The following DMD variants were observed in gnomAD, a reference collection of about 807,000 sequenced individuals.
DMD encodes the protein dystrophin, also known as mutant dystrophin.
DMD carries 63 observed loss-of-function variants against 330.1 expected under a neutral mutation model. The observed-to-expected ratio is 0.19, with a 90% CI of 0.16 to 0.24. DMD has a LOEUF of 0.24. Among genes scored for constraint, DMD ranks in the 10% least tolerant of loss-of-function variants. The pLI is 1.00. For missense variants in DMD, 3,344 were observed against 2,684.1 expected (o/e 1.25, Z -5.43); for synonymous variants, 1,223 against 959.8 (o/e 1.27, Z -5.07).
intron 17 of DMD, among the ~76,000 whole-genome samples, chrX:32,543,198 A>C (rs1016813789): frequency 8.9e-6 from 1 of 111,914 alleles, no homozygotes; most frequent in African/African-American, 3.2e-5. Context: ...ATCTTTCTGT[A>C]TGTGCCCAAT....
rs190313096 is a variant in DMD, at chrX:32,698,427, A to G, written c.832-429T>C. Among the ~76,000 whole-genome samples, 240 of 111,826 alleles carry G rather than the reference A, an allele frequency of 2.1e-3. 2 individuals carry two copies. The highest frequency in any genetic ancestry group is 7.6e-3 in the African/African-American group (233 of 30,821). ...CAGAGCTAGCTCAGCAAAGTGAGAG[A>G]GTTTGGCCTAAGAGCTCTCCACACA... On this transcript the variant is annotated intron_variant, in intron 8 of 78. Transcript: ENST00000357033.
rs764830780 is a variant in DMD at position 31,547,696 on chromosome X, T to C, written c.8218-40243A>G. On this transcript the variant is annotated intron_variant, in intron 55 of 78. Transcript: ENST00000357033. ...CATGCTGTGGAAGGATCAGAGAATT[T>C]TTGGAATTGTGCACTAAATGTCTTT... 8.9e-5 allele frequency among the ~76,000 whole-genome samples: 10 copies of C among 112,150 alleles called. No individual in the cohort carries two copies. In the South Asian group the frequency reaches 3.7e-3, roughly 42 times the overall value.
intron 7 of DMD, among the ~76,000 whole-genome samples, chrX:32,700,135 T>A (rs1206503646): frequency 8.9e-6 from 1 of 111,864 alleles, no homozygotes; most frequent in Non-Finnish European, 1.9e-5. Context: ...TGAACCAAGA[T>A]GTAAAGTAAT....
intron 18 of DMD, among the ~76,000 whole-genome samples, chrX:32,504,161 C>G (rs182543785): frequency 8.9e-6 from 1 of 111,952 alleles, no homozygotes; most frequent in African/African-American, 3.2e-5. Flanking sequence ...AACCTTACAC[C>G]CTTCTTTTGT....
chrX:32,865,005 TG>T (rs1023033779), intron 2 of DMD, among the ~76,000 whole-genome samples: 8 of 111,733 alleles, frequency 7.2e-5, no homozygotes, highest in African/African-American at 2.0e-4. Flanking sequence ...TCGGTGTAGT[TG>T]TAAGTTAAAT....
At chrX:31,153,437 G>A (rs930110879) in intron 74 of DMD, among the ~76,000 whole-genome samples, 1 of 110,110 alleles carries the variant, frequency 9.1e-6, no homozygotes, top group African/African-American at 3.4e-5. Context: ...TACAGCACGA[G>A]CTGAAAGCCC....
chrX:31,227,124 G>A lies in DMD; in HGVS notation c.9287-4003C>T, dbSNP rs759155315. Among the ~76,000 whole-genome samples, 28 of 110,665 alleles carry A rather than the reference G, an allele frequency of 2.5e-4. No individual in the cohort carries two copies. The South Asian group carries it at 3.5e-3, about 14-fold the overall frequency. ...CATCTTTCTTCTTTCAAAGAACGAC[G>A]ATTCCTCTCTTATGACCCCAATTCT... On this transcript the variant is annotated intron_variant, in intron 63 of 78. Coordinates refer to ENST00000357033, the MANE Select transcript of DMD (RefSeq NM_004006.3).
At chrX:31,602,321 G>GTTTT (rs773800072) in intron 55 of DMD, among the ~76,000 whole-genome samples, 1 of 91,885 alleles carries the variant, frequency 1.1e-5, no homozygotes, top group Non-Finnish European at 2.2e-5. Context: ...CCTTTCTCCA[G>GTTTT]TTTTTTTTTT....
chrX:32,613,440 C>T (rs1444603803), intron 12 of DMD, among the ~76,000 whole-genome samples: 1 of 105,470 alleles, frequency 9.5e-6, no homozygotes, highest in Admixed American at 1.0e-4. Context: ...ATAACAGAAA[C>T]AAAAAAAAAT....
chrX:32,304,028 C>T (rs547513649), intron 42 of DMD, among the ~76,000 whole-genome samples: 1 of 111,417 alleles, frequency 9.0e-6, no homozygotes, highest in Admixed American at 9.5e-5. Flanking sequence ...TTATTGTCCC[C>T]ATGTGAGAAA....
chrX:32,922,151 G>A (rs949236549), intron 2 of DMD, among the ~76,000 whole-genome samples: 14 of 108,934 alleles, frequency 1.3e-4, no homozygotes, highest in Admixed American at 1.9e-4. Context: ...GAATTCTGCA[G>A]ATAGGTTTGA....
At chrX:33,123,605 A>C (rs185979586) in intron 1 of DMD, among the ~76,000 whole-genome samples, 3,203 of 109,052 alleles carry the variant, frequency 0.029, 129 homozygotes, top group African/African-American at 0.1. Context: ...TTTAGGAGAG[A>C]CAGGGTTTCG....
intron 47 of DMD, among the ~76,000 whole-genome samples, chrX:31,922,222 C>T (rs1485440490): frequency 9.0e-6 from 1 of 111,570 alleles, no homozygotes; most frequent in Non-Finnish European, 1.9e-5. Context: ...TTCCGGGTAG[C>T]TGAACAGGTG....
chrX:31,310,419 TA>T (rs1290108120), intron 62 of DMD, among the ~76,000 whole-genome samples: 2 of 110,458 alleles, frequency 1.8e-5, no homozygotes, highest in Non-Finnish European at 3.8e-5. Context: ...AAAGTTCTTG[TA>T]GTATTGATAT....
intron 2 of DMD, among the ~76,000 whole-genome samples, chrX:33,000,149 T>C (rs1385811688): frequency 9.0e-6 from 1 of 111,638 alleles, no homozygotes; most frequent in South Asian, 3.7e-4. Flanking sequence ...TTGAAAGGAG[T>C]TTTAGTATAG....
chrX:33,048,609 G>A (rs763739119), intron 1 of DMD, among the ~76,000 whole-genome samples: 5 of 101,949 alleles, frequency 4.9e-5, no homozygotes, highest in East Asian at 3.1e-4. Context: ...CAGGAGAATC[G>A]CTTGAACCCG....
At chrX:32,736,401 C>T (rs1195268982) in intron 7 of DMD, among the ~76,000 whole-genome samples, 3 of 111,245 alleles carry the variant, frequency 2.7e-5, no homozygotes, top group African/African-American at 9.9e-5. Context: ...TTTGACCCAG[C>T]CATCCCGTTA....
At chrX:31,684,114 T>A (rs1003006010) in intron 52 of DMD, among the ~76,000 whole-genome samples, 3 of 111,919 alleles carry the variant, frequency 2.7e-5, no homozygotes, top group African/African-American at 9.7e-5. Flanking sequence ...CCACATGGAA[T>A]TCCCTGAAGA....
intron 9 of DMD, among the ~76,000 whole-genome samples, 170 bp from the exon 10 acceptor site, chrX:32,645,322 T>A (rs1271500661): frequency 1.8e-5 from 2 of 112,020 alleles, no homozygotes; most frequent in South Asian, 3.7e-4. Flanking sequence ...TTTAACTTCC[T>A]CATGCATACA....
Sources: allele counts gnomAD v4.1 joint callset (sites outside exome capture counted in the v4.1 genomes callset), GRCh38; gene constraint gnomAD v4.1.1; transcripts MANE v1.5; gene names NCBI Gene and HGNC (gene_info 2026-07-23, HGNC 2026-07-21).